The following CLPTM1L variants were observed in gnomAD, a reference collection of about 807,000 sequenced individuals.
CLPTM1L encodes lipid scramblase CLPTM1L.
Under a neutral mutation model 70.9 loss-of-function variants are expected in CLPTM1L, and 38 were observed. That is an observed-to-expected ratio of 0.54 (90% confidence interval 0.41 to 0.70). CLPTM1L has a LOEUF of 0.70. Among genes scored for constraint, CLPTM1L ranks in the 30% least tolerant of loss-of-function variants. The pLI is 0.00. For missense variants in CLPTM1L, 652 were observed against 705.9 expected, an observed-to-expected ratio of 0.92 and a Z score of 0.87; for synonymous variants, 339 against 299.9, an observed-to-expected ratio of 1.13 and a Z score of -1.35.
At chr5:1,337,457 G>A (rs572656199) in intron 5 of CLPTM1L, among the ~76,000 whole-genome samples, 2 of 152,358 alleles carry the variant, frequency 1.3e-5, no homozygotes, top group South Asian at 2.1e-4. Context: ...CTCCAGCTCC[G>A]AGGAAGGGCT....
At chr5:1,330,138 T>C (rs452932) in intron 9 of CLPTM1L, 142 bp downstream of exon 9, 287,623 of 700,376 alleles carry the variant, frequency 0.41, 63,358 homozygotes, top group African/African-American at 0.59. Flanking sequence ...CCTGCCATCC[T>C]ACAGCTTCCA....
intron 5 of CLPTM1L, among the ~76,000 whole-genome samples, chr5:1,336,747 T>C (rs1253418034): frequency 6.6e-6 from 1 of 152,158 alleles, no homozygotes; most frequent in Non-Finnish European, 1.5e-5. Context: ...CCACTGCCTG[T>C]GCAGCCCCCA....
Position 1,337,924 on chromosome 5 carries a change from T to G in CLPTM1L, c.658A>C (p.Asn220His). ...LPILFIDQLSNRVKDLMVINR... is the reference protein window; with the variant it reads ...LPILFIDQLSHRVKDLMVINR... ...CTCACCATCAGGTCCTTCACGCGGT[T>G]GCTGAGCTGGTCGATGAACAGGATG... Residue 220 changes from asparagine (N) to histidine (H), a missense_variant, in exon 5 of 17, where the codon AAC becomes CAC. Coordinates refer to ENST00000320895, the MANE Select transcript of CLPTM1L (RefSeq NM_030782.5). The G allele has an allele frequency of 1.2e-6, 2 of 1,605,084 alleles. No individual in the cohort carries two copies. The highest frequency in any genetic ancestry group is 1.7e-6 in the Non-Finnish European group (2 of 1,177,118).
chr5:1,329,283 C>T (rs1157815646), intron 9 of CLPTM1L, among the ~76,000 whole-genome samples: 1 of 152,276 alleles, frequency 6.6e-6, no homozygotes, highest in African/African-American at 2.4e-5. Flanking sequence ...TCCGTCAGTG[C>T]CTACCTGGCC....
Position 1,334,366 on chromosome 5 carries a change from C to T in CLPTM1L, c.814G>A (p.Ala272Thr), listed in dbSNP as rs535921471. 2.1e-5 allele frequency: 34 copies of T among 1,605,956 alleles called. No homozygotes were observed. Among genetic ancestry groups the T allele is most frequent in the Non-Finnish European group, 2.8e-5 (33 of 1,175,828 alleles). The change falls in exon 7 of 17, where the codon GCT becomes ACT. Residue 272 changes from alanine (A) to threonine (T), a missense_variant. Ala to Thr is a moderately conservative substitution (Grantham distance 58). This residue lies in a region of CLPTM1L where 402 missense variants were observed against 388.2 expected (regional missense o/e 1.04). Transcript: ENST00000320895. ...ACAAAAATTCCTTTCACCTCATCAG[C>T]ATCTTTCTCTGAAAACCCTGTCAAG... ...LQQFGFSEKD[A>T]DEVKGIFVDT... is the part of the protein sequence containing the mutation.
chr5:1,336,473 C>A (rs184253416), intron 5 of CLPTM1L, among the ~76,000 whole-genome samples: 29 of 152,350 alleles, frequency 1.9e-4, no homozygotes, highest in African/African-American at 6.3e-4. Flanking sequence ...ACACACAGGG[C>A]AGCCTTCTGC....
At chr5:1,326,225 G>A (rs1041751926) in intron 9 of CLPTM1L, 5 of 252,162 alleles carry the variant, frequency 2.0e-5, no homozygotes, top group African/African-American at 4.5e-5. Flanking sequence ...AGCTCAGGAC[G>A]GGTGCCAGAG....
At chr5:1,331,646 T>G (rs987276493) in intron 8 of CLPTM1L, 153 bp downstream of exon 8, 3 of 662,484 alleles carry the variant, frequency 4.5e-6, no homozygotes, top group Non-Finnish European at 7.9e-6. Flanking sequence ...TCCCTGGGCT[T>G]TACGGTGCCT....
In CLPTM1L at chr5:1,330,240, C is replaced by A. The variant is rs754002469; in HGVS notation, c.1080+40G>T. 5.2e-6 allele frequency: 8 copies of A among 1,545,192 alleles called. No individual in the cohort carries two copies. In the Admixed American group the frequency reaches 8.4e-5, roughly 16 times the overall value. On this transcript the variant is annotated intron_variant, in intron 9 of 16. Coordinates refer to ENST00000320895, the MANE Select transcript of CLPTM1L (RefSeq NM_030782.5). ...AGCCTTTCCTGAGTGCGTGGAGGCA[C>A]ATGGACCTCAGACAGTTCAGGTCAC...
In CLPTM1L at chr5:1,318,552, CCA is replaced by C; in HGVS notation, c.1533-101_1533-100del. The C allele has an allele frequency of 1.1e-6, 1 of 931,170 alleles. No individual in the cohort carries two copies. The highest frequency in any genetic ancestry group is 1.7e-6 in the Non-Finnish European group (1 of 587,984). The allele number at this position is 931,170 out of a possible 1,614,324, so 57.7% of individuals were successfully genotyped here. A position where few individuals can be genotyped will look rare whatever the true frequency, so the allele number is the denominator to read the frequency against. ...CCTCGATTTATTTTCCAGTGAGCTGCCACAGTGAGCAAATTAACTAAAAAGTC... is the reference window on the plus strand; with the variant it reads ...CCTCGATTTATTTTCCAGTGAGCTGCCAGTGAGCAAATTAACTAAAAAGTC... On this transcript the variant is annotated intron_variant, in intron 16 of 16. Coordinates refer to ENST00000320895, the MANE Select transcript of CLPTM1L (RefSeq NM_030782.5). This position sits in a 1 kb window ranked among gnomAD's most constrained non-coding sequence, Gnocchi z 8.9.
In CLPTM1L at chr5:1,318,236, G is replaced by A; in HGVS notation, c.*133C>T. 1 of 691,262 alleles carries A rather than the reference G, an allele frequency of 1.4e-6. No individual in the cohort carries two copies. The highest frequency in any genetic ancestry group is 1.8e-5 in the South Asian group (1 of 56,700). The allele number at this position is 691,262 out of a possible 1,614,324, so 42.8% of individuals were successfully genotyped here. A position where few individuals can be genotyped will look rare whatever the true frequency, so the allele number is the denominator to read the frequency against. On this transcript the variant is annotated 3_prime_UTR_variant, in exon 17 of 17. Coordinates refer to ENST00000320895, the MANE Select transcript of CLPTM1L (RefSeq NM_030782.5). This position sits in a 1 kb window ranked among gnomAD's most constrained non-coding sequence, Gnocchi z 8.9. ...CAAATCTGACGTGATGGGAACTTGG[G>A]AGATGTCTGAGAAATGTCCGAAGGG...
chr5:1,331,737 G>T, intron 8 of CLPTM1L, 62 bp downstream of exon 8: 1 of 1,436,904 alleles, frequency 7.0e-7, no homozygotes, highest in Non-Finnish European at 9.8e-7. Flanking sequence ...GCCCTCTACC[G>T]CAGGCTCCAG....
At chr5:1,324,435 G>A (rs1579622324) in intron 11 of CLPTM1L, among the ~76,000 whole-genome samples, 2 of 152,240 alleles carry the variant, frequency 1.3e-5, no homozygotes, top group South Asian at 2.1e-4. Context: ...CCTTGGTGAC[G>A]GCAAGTGCGT....
At chr5:1,341,529 G>T in intron 3 of CLPTM1L, 142 bp downstream of exon 3, 2 of 625,274 alleles carry the variant, frequency 3.2e-6, no homozygotes, top group Non-Finnish European at 5.5e-6. Context: ...AGAAATGCAC[G>T]CCAGTAACAT....
chr5:1,344,778 G>A lies in CLPTM1L; in HGVS notation c.64C>T (p.His22Tyr). The change falls in exon 1 of 17, where the codon CAC becomes TAC. Residue 22 changes from histidine to tyrosine, a missense_variant. By Grantham distance (83) the His-to-Tyr change is moderately conservative. Around this residue, in one of 3 missense-constraint regions of CLPTM1L, gnomAD observed 402 missense variants for 388.2 expected, o/e 1.04. Coordinates refer to ENST00000320895, the MANE Select transcript of CLPTM1L (RefSeq NM_030782.5). The stretch of plus-strand genomic sequence containing the variant: ...ATGCCGTACATGACCCAGCAGGTGT[G>A]CACCACGTAGACCACGAACACGCCC... The part of the protein sequence containing the change: ...VVGVFVVYVV[H>Y]TCWVMYGIVY... 6.2e-7 allele frequency: 1 copy of A among 1,605,990 alleles called. No homozygotes were observed. The highest frequency in any genetic ancestry group is 8.5e-7 in the Non-Finnish European group (1 of 1,177,078).
At position 1,323,708 on chromosome 5, in the gene CLPTM1L, G is replaced by A. The variant is rs554612323; in HGVS notation, c.1280+79C>T. ...CCGGCCCCGAGTTTGCCCTCCAGTC[G>A]CACCCCGCTCTGGCTCAGTCATCCA... On this transcript the variant is annotated intron_variant, in intron 12 of 16. Coordinates refer to ENST00000320895, the MANE Select transcript of CLPTM1L (RefSeq NM_030782.5). The A allele has an allele frequency of 3.7e-4, 476 of 1,284,226 alleles. 3 individuals are homozygous for A. The African/African-American group carries it at 6.2e-3, about 17-fold the overall frequency. The allele number at this position is 1,284,226 out of a possible 1,614,324, so 79.6% of individuals were successfully genotyped here.
intron 16 of CLPTM1L, among the ~76,000 whole-genome samples, chr5:1,319,706 G>A (rs1260983401): frequency 1.3e-5 from 2 of 152,352 alleles, no homozygotes; most frequent in South Asian, 4.1e-4. Flanking sequence ...TGGCCTCCTG[G>A]TCGGGGGAGG....
chr5:1,334,187 T>A (rs1459848604), intron 7 of CLPTM1L, 102 bp downstream of exon 7: 1 of 773,642 alleles, frequency 1.3e-6, no homozygotes, highest in Non-Finnish European at 2.2e-6. Flanking sequence ...GCCACAGGGC[T>A]GGACGGCGCC....
chr5:1,334,873 A>G (rs558771808), intron 6 of CLPTM1L, among the ~76,000 whole-genome samples, 184 bp downstream of exon 6: 1 of 152,248 alleles, frequency 6.6e-6, no homozygotes, highest in Non-Finnish European at 1.5e-5. Flanking sequence ...CAATTTCCAG[A>G]CAATCAACCA....
Sources: gnomAD v4.1 joint callset for allele counts (sites outside exome capture counted in the v4.1 genomes callset) on GRCh38, gnomAD v4.1.1 for gene constraint, gnomAD v4.1.1 regional missense constraint, Gnocchi (gnomAD v3.1) non-coding constraint, MANE v1.5 for transcripts, NCBI Gene and HGNC (gene_info 2026-07-23, HGNC 2026-07-21) for gene names.